GPR149: variants seen among roughly 807,000 people sequenced by gnomAD.
GPR149 encodes G protein-coupled receptor 149.
In GPR149, 50 loss-of-function variants were observed where a neutral mutation model predicts 50.2. The ratio of observed to expected loss-of-function variants is 1.00; its 90% CI spans 0.79 to 1.26. GPR149 has a LOEUF of 1.26. Ranked by LOEUF, GPR149 falls within the 50% of genes most tolerant of loss-of-function variation. The pLI is 0.00. For synonymous variants in GPR149, 405 were observed against 358.2 expected (o/e 1.13, Z -1.48); for missense variants, 983 against 895.4 (o/e 1.10, Z -1.25).
At chr3:154,411,270 C>T (rs1711824906) in intron 3 of GPR149, among the ~76,000 whole-genome samples, 1 of 152,056 alleles carries the variant, frequency 6.6e-6, no homozygotes, top group Non-Finnish European at 1.5e-5. Flanking sequence ...AATGTGAGGT[C>T]ACACCTCATG....
chr3:154,428,580 T>C, intron 1 of GPR149, 55 bp downstream of exon 1: 1 of 1,537,216 alleles, frequency 6.5e-7, no homozygotes, highest in South Asian at 1.3e-5. Context: ...GTCCCAACAC[T>C]CATTTACACT....
intron 3 of GPR149, among the ~76,000 whole-genome samples, chr3:154,374,811 C>T (rs1163240850): frequency 2.0e-5 from 3 of 152,082 alleles, no homozygotes; most frequent in Admixed American, 2.0e-4. Context: ...GCCTTTGGTC[C>T]TCAGAGAAAC....
intron 3 of GPR149, among the ~76,000 whole-genome samples, chr3:154,394,243 A>C (rs1219902159): frequency 2.0e-5 from 3 of 152,106 alleles, no homozygotes; most frequent in Non-Finnish European, 4.4e-5. Context: ...CAGAATAGAG[A>C]GCCTAGAAGT....
At chr3:154,407,518 A>G (rs1018444464) in intron 3 of GPR149, among the ~76,000 whole-genome samples, 4 of 152,124 alleles carry the variant, frequency 2.6e-5, no homozygotes, top group African/African-American at 9.7e-5. Flanking sequence ...TCAGGAAAGG[A>G]AGTAAATAAG....
chr3:154,396,590 C>A (rs1197908516), intron 3 of GPR149, among the ~76,000 whole-genome samples: 1 of 151,720 alleles, frequency 6.6e-6, no homozygotes, highest in Admixed American at 6.6e-5. Context: ...GAGTTTAAAT[C>A]TAAATTATAA....
chr3:154,398,789 T>A (rs972362817), intron 3 of GPR149, among the ~76,000 whole-genome samples: 2 of 152,208 alleles, frequency 1.3e-5, no homozygotes, highest in Non-Finnish European at 2.9e-5. Flanking sequence ...CAATACCATT[T>A]GTTCATGGAT....
intron 3 of GPR149, among the ~76,000 whole-genome samples, chr3:154,371,616 A>G (rs1285500143): frequency 3.3e-5 from 5 of 152,178 alleles, no homozygotes; most frequent in African/African-American, 1.2e-4. Flanking sequence ...GTAGTCCTTC[A>G]AAACCGGAGA....
intron 3 of GPR149, among the ~76,000 whole-genome samples, chr3:154,365,529 T>C (rs1714510194): frequency 6.6e-6 from 1 of 152,192 alleles, no homozygotes. Context: ...TTTTTTCAAA[T>C]CTTTACCTTC....
intron 3 of GPR149, among the ~76,000 whole-genome samples, chr3:154,368,737 C>T (rs1214487176): frequency 1.3e-5 from 2 of 152,240 alleles, no homozygotes; most frequent in African/African-American, 4.8e-5. Flanking sequence ...AGCAGCTGTT[C>T]TCTCAGCCCT....
chr3:154,417,034 G>C (rs1712012166), intron 3 of GPR149, among the ~76,000 whole-genome samples: 1 of 151,854 alleles, frequency 6.6e-6, no homozygotes, highest in South Asian at 2.1e-4. Context: ...AGAGAAAATA[G>C]AGTGATCACC....
chr3:154,359,035 AC>A (rs1159548905), intron 3 of GPR149, among the ~76,000 whole-genome samples: 1 of 152,096 alleles, frequency 6.6e-6, no homozygotes, highest in Non-Finnish European at 1.5e-5. Context: ...AATAATTTTA[AC>A]CCTTGTGAAA....
intron 3 of GPR149, among the ~76,000 whole-genome samples, chr3:154,376,164 G>T (rs1339057757): frequency 1.3e-5 from 2 of 152,096 alleles, no homozygotes; most frequent in African/African-American, 4.8e-5. Context: ...GTTTCTCTAG[G>T]AAACCCTAGT....
rs778459121 is a variant in GPR149 at position 154,421,314 on chromosome 3, T to C, written c.1348A>G (p.Asn450Asp). 1.2e-6 allele frequency: 2 copies of C among 1,613,484 alleles called. No homozygotes were observed. Among genetic ancestry groups the C allele is most frequent in the South Asian group, 1.1e-5 (1 of 91,056 alleles). ...DPQRDNRNIF[N>D]AIKVEISTTP... Reference sequence around the variant, plus strand: ...GTGCTGATTTCTACTTTTATAGCATTGAAGATGTTACGGTTGTCTCTCTGA... The same window carrying C: ...GTGCTGATTTCTACTTTTATAGCATCGAAGATGTTACGGTTGTCTCTCTGA... The change falls in exon 3 of 4, where the codon AAT becomes GAT. Residue 450 changes from asparagine (N) to aspartate (D), a missense_variant. Physicochemically the swap from Asn to Asp is conservative, Grantham distance 23. Transcript: ENST00000389740.
chr3:154,339,951 G>A (rs1481918446), intron 3 of GPR149, among the ~76,000 whole-genome samples: 3 of 151,346 alleles, frequency 2.0e-5, no homozygotes, highest in African/African-American at 7.3e-5. Flanking sequence ...CACCACCCCC[G>A]CCTAATTTTT....
chr3:154,426,725 A>G (rs574000716), intron 2 of GPR149, among the ~76,000 whole-genome samples: 1 of 152,282 alleles, frequency 6.6e-6, no homozygotes, highest in African/African-American at 2.4e-5. Context: ...TTCCACTCTC[A>G]TTCTAGGTGT....
intron 3 of GPR149, among the ~76,000 whole-genome samples, chr3:154,387,007 G>A (rs1201410745): frequency 5.9e-5 from 9 of 151,932 alleles, no homozygotes; most frequent in Admixed American, 5.9e-4. Flanking sequence ...ATAGCCGAGA[G>A]AATCTCAGGA....
intron 3 of GPR149, among the ~76,000 whole-genome samples, chr3:154,344,731 G>T (rs900980984): frequency 4.6e-5 from 7 of 152,164 alleles, no homozygotes; most frequent in African/African-American, 1.7e-4. Context: ...ATTGCTGGGA[G>T]CCACCAGAAG....
intron 3 of GPR149, among the ~76,000 whole-genome samples, chr3:154,375,722 T>G (rs1016997395): frequency 3.3e-5 from 5 of 152,088 alleles, no homozygotes; most frequent in African/African-American, 1.2e-4. Context: ...CATTATTTTT[T>G]GGGGGGTGTG....
intron 1 of GPR149, 145 bp from the exon 2 acceptor site, chr3:154,427,853 T>A (rs1712351468): frequency 3.8e-6 from 3 of 783,532 alleles, no homozygotes; most frequent in Non-Finnish European, 5.9e-6. Context: ...GCTGGCTCCC[T>A]GTCCTTGGTG....
Sources: gnomAD v4.1 joint callset for allele counts (sites outside exome capture counted in the v4.1 genomes callset) on GRCh38, gnomAD v4.1.1 for gene constraint, MANE v1.5 for transcripts, NCBI Gene and HGNC (gene_info 2026-07-23, HGNC 2026-07-21) for gene names.